FBXO16: variants seen among roughly 807,000 people sequenced by gnomAD.
FBXO16 encodes the protein F-box only protein 16.
A neutral mutation model predicts 41.0 loss-of-function variants in FBXO16; 31 were observed. The observed-to-expected ratio is 0.76, with a 90% CI of 0.57 to 1.02. The LOEUF (loss-of-function observed/expected upper bound fraction) is 1.02. FBXO16 is among the 50% of genes least tolerant of loss of function. The pLI, the probability that FBXO16 is intolerant of heterozygous loss-of-function variation, is 0.00. For synonymous variants in FBXO16, 133 were observed against 117.8 expected (o/e 1.13, Z -0.84); for missense variants, 361 against 346.2 (o/e 1.04, Z -0.34).
chr8:28,451,370 CTTT>C (rs1200937376), intron 6 of FBXO16, among the ~76,000 whole-genome samples: 1 of 140,442 alleles, frequency 7.1e-6, no homozygotes, highest in Non-Finnish European at 1.5e-5. Context: ...CTTTCTGTCT[CTTT>C]GTTGTTGTTT....
At chr8:28,478,821 CAAAA>C (rs35959759) in intron 2 of FBXO16, among the ~76,000 whole-genome samples, 13 of 117,778 alleles carry the variant, frequency 1.1e-4, no homozygotes, top group Admixed American at 8.9e-5. Flanking sequence ...ATTCTGTCTC[CAAAA>C]AAAAAAAAAA....
intron 4 of FBXO16, among the ~76,000 whole-genome samples, chr8:28,458,163 T>A (rs1803066646): frequency 6.6e-6 from 1 of 152,242 alleles, no homozygotes; most frequent in African/African-American, 2.4e-5. Flanking sequence ...GGGAACACTC[T>A]GTAATGGCCC....
intron 2 of FBXO16, among the ~76,000 whole-genome samples, chr8:28,478,095 T>C (rs1803451716): frequency 6.6e-6 from 1 of 152,168 alleles, no homozygotes; most frequent in African/African-American, 2.4e-5. Context: ...CTTACGTGTA[T>C]ATATACACAC....
chr8:28,451,425 A>G (rs1016015990), intron 6 of FBXO16, among the ~76,000 whole-genome samples: 1 of 146,276 alleles, frequency 6.8e-6, no homozygotes, highest in Admixed American at 6.8e-5. Flanking sequence ...GGGTCTAGCT[A>G]TATTGCACAG....
intron 7 of FBXO16, among the ~76,000 whole-genome samples, chr8:28,439,815 G>C (rs761716410): frequency 1.3e-5 from 2 of 151,510 alleles, no homozygotes; most frequent in Non-Finnish European, 2.9e-5. Flanking sequence ...AATTTGATAA[G>C]AAGTATATCA....
At chr8:28,474,401 T>C (rs984824667) in intron 2 of FBXO16, among the ~76,000 whole-genome samples, 3 of 95,862 alleles carry the variant, frequency 3.1e-5, no homozygotes, top group Non-Finnish European at 7.1e-5. Context: ...AAAGAAAAAA[T>C]AGTTTTTTTA....
chr8:28,458,539 T>G (rs1195967898), intron 4 of FBXO16, among the ~76,000 whole-genome samples: 3 of 141,248 alleles, frequency 2.1e-5, no homozygotes, highest in Admixed American at 7.4e-5. Context: ...CCTCTTCTTC[T>G]TCTTCTTTTT....
intron 7 of FBXO16, among the ~76,000 whole-genome samples, chr8:28,435,206 T>C (rs1401699520): frequency 2.0e-5 from 3 of 151,438 alleles, no homozygotes; most frequent in Non-Finnish European, 4.4e-5. Flanking sequence ...GTTTCACTCT[T>C]GTTGCCCAGG....
intron 6 of FBXO16, among the ~76,000 whole-genome samples, chr8:28,449,315 CTTTTT>C (rs59021779): frequency 2.1e-5 from 2 of 94,816 alleles, no homozygotes; most frequent in Non-Finnish European, 2.0e-5. Context: ...ATGTAGACTT[CTTTTT>C]TTTTTTTTTT....
intron 2 of FBXO16, 45 bp downstream of exon 2, chr8:28,483,303 C>G (rs756207315): frequency 2.9e-5 from 44 of 1,496,532 alleles, no homozygotes; most frequent in Non-Finnish European, 4.0e-5. Flanking sequence ...ATCTTTTTTC[C>G]TTTCAGTCAT....
chr8:28,482,735 TA>T (rs926465973), intron 2 of FBXO16, among the ~76,000 whole-genome samples: 1 of 139,102 alleles, frequency 7.2e-6, no homozygotes, highest in Non-Finnish European at 1.6e-5. Context: ...CACGCCCAGC[TA>T]ATTTTTTTTT....
At chr8:28,459,698 T>G (rs1450871870) in intron 4 of FBXO16, among the ~76,000 whole-genome samples, 1 of 150,986 alleles carries the variant, frequency 6.6e-6, no homozygotes, top group East Asian at 1.9e-4. Context: ...GATACCCTCT[T>G]ATTACTAGGC....
intron 3 of FBXO16, among the ~76,000 whole-genome samples, chr8:28,466,812 A>G (rs1803250847): frequency 6.6e-6 from 1 of 152,178 alleles, no homozygotes; most frequent in Non-Finnish European, 1.5e-5. Context: ...GGTAGCCTCT[A>G]CGGCAGCTAG....
intron 1 of FBXO16, among the ~76,000 whole-genome samples, chr8:28,485,127 C>T (rs912672278): frequency 3.9e-5 from 6 of 152,072 alleles, no homozygotes; most frequent in African/African-American, 1.4e-4. Context: ...AGGGCCTGCT[C>T]GCCTGATCAA....
At position 28,441,473 on chromosome 8, in the gene FBXO16, C is replaced by T. The variant is rs561973361; in HGVS notation, c.843+5698G>A. 9.2e-5 allele frequency among the ~76,000 whole-genome samples: 14 copies of T among 152,252 alleles called. No homozygotes were observed. The South Asian group carries it at 2.1e-3, about 23-fold the overall frequency. ...ATATAGGGCTGGGCGCAGGGGCTCACGCCTGTAATCCCAGCACTTTGGGAG... is the reference window on the plus strand; with the variant it reads ...ATATAGGGCTGGGCGCAGGGGCTCATGCCTGTAATCCCAGCACTTTGGGAG... On this transcript the variant is annotated intron_variant, in intron 7 of 8. Coordinates refer to ENST00000380254, the MANE Select transcript of FBXO16 (RefSeq NM_172366.4).
At chr8:28,434,423 C>G (rs1244287679) in intron 7 of FBXO16, among the ~76,000 whole-genome samples, 1 of 152,188 alleles carries the variant, frequency 6.6e-6, no homozygotes, top group Non-Finnish European at 1.5e-5. Flanking sequence ...ATAGTAACAA[C>G]AATGACAGCA....
intron 3 of FBXO16, among the ~76,000 whole-genome samples, chr8:28,470,407 T>C (rs1331663594): frequency 6.6e-6 from 1 of 152,152 alleles, no homozygotes; most frequent in East Asian, 1.9e-4. Context: ...GGAGGAGCAA[T>C]ATCTTGGCAC....
At chr8:28,430,116 AGGCTGGAGTGCAGT>A (rs1238104986) in intron 7 of FBXO16, among the ~76,000 whole-genome samples, 1 of 152,192 alleles carries the variant, frequency 6.6e-6, no homozygotes, top group Non-Finnish European at 1.5e-5. Flanking sequence ...TCGGTCTCCA[AGGCTGGAGTGCAGT>A]GGCATAATCA....
chr8:28,441,618 C>T (rs1382150253), intron 7 of FBXO16, among the ~76,000 whole-genome samples: 1 of 151,498 alleles, frequency 6.6e-6, no homozygotes. Flanking sequence ...TGCCTGTAGT[C>T]CCAGCTACTC....
Sources: allele counts gnomAD v4.1 joint callset (sites outside exome capture counted in the v4.1 genomes callset), GRCh38; gene constraint gnomAD v4.1.1; transcripts MANE v1.5; gene names NCBI Gene and HGNC (gene_info 2026-07-23, HGNC 2026-07-21).